SNTG1: variants seen among roughly 807,000 people sequenced by gnomAD.
The protein encoded by SNTG1 is syntrophin gamma 1.
Under a neutral mutation model 74.7 loss-of-function variants are expected in SNTG1, and 39 were observed. That is an observed-to-expected ratio of 0.52 (90% CI 0.40 to 0.68). The LOEUF (loss-of-function observed/expected upper bound fraction) is 0.68, where lower values mean the gene tolerates loss of function less well. Ranked by LOEUF, SNTG1 falls within the 30% of genes least tolerant of loss-of-function variation. SNTG1 has a pLI of 0.00. For synonymous variants in SNTG1, 254 were observed against 217.1 expected (o/e 1.17, Z -1.49); for missense variants, 685 against 609.5 (o/e 1.12, Z -1.30).
At chr8:50,600,032 AT>A (rs2094761210) in intron 13 of SNTG1, among the ~76,000 whole-genome samples, 1 of 152,138 alleles carries the variant, frequency 6.6e-6, no homozygotes, top group Admixed American at 6.5e-5. Context: ...ATTTTATCAA[AT>A]GTTTTTACAG....
At chr8:50,021,277 T>C (rs1377097455) in intron 1 of SNTG1, among the ~76,000 whole-genome samples, 2 of 152,210 alleles carry the variant, frequency 1.3e-5, no homozygotes, top group Non-Finnish European at 2.9e-5. Flanking sequence ...TACATTGTCA[T>C]TGTTTCTCAC....
chr8:50,323,349 C>T (rs779580080), intron 2 of SNTG1, among the ~76,000 whole-genome samples: 2 of 152,078 alleles, frequency 1.3e-5, no homozygotes, highest in African/African-American at 4.8e-5. Context: ...TCCCTGGTGA[C>T]TTATTTACTT....
chr8:50,237,840 A>G (rs1264155441), intron 2 of SNTG1, among the ~76,000 whole-genome samples: 5 of 152,098 alleles, frequency 3.3e-5, no homozygotes, highest in Non-Finnish European at 5.9e-5. Flanking sequence ...AGGGTTATAC[A>G]TTACTTGTCC....
At chr8:50,484,125 TTTCTTTCTTTCC>T (rs1304055582) in intron 8 of SNTG1, among the ~76,000 whole-genome samples, 8 of 115,030 alleles carry the variant, frequency 7.0e-5, no homozygotes, top group African/African-American at 2.3e-4. Flanking sequence ...TCTTTCTTTC[TTTCTTTCTTTCC>T]TTCTTTCTTT....
At chr8:50,508,985 A>C (rs1241696592) in intron 9 of SNTG1, among the ~76,000 whole-genome samples, 1 of 152,164 alleles carries the variant, frequency 6.6e-6, no homozygotes, top group African/African-American at 2.4e-5. Context: ...TTAGACATGA[A>C]GTCCTTGCCC....
intron 1 of SNTG1, among the ~76,000 whole-genome samples, chr8:50,038,264 T>G (rs1225671109): frequency 1.3e-5 from 2 of 152,130 alleles, no homozygotes; most frequent in Non-Finnish European, 2.9e-5. Context: ...AAGGCAAGAA[T>G]CGGGTGGACT....
rs16914541 is a variant in SNTG1, at chr8:50,221,302, A to G, written c.-28+48667A>G. 8.1e-3 allele frequency among the ~76,000 whole-genome samples: 1,230 copies of G among 152,200 alleles called. 19 individuals carry two copies. Among genetic ancestry groups the G allele is most frequent in the African/African-American group, 0.028 (1,182 of 41,510 alleles). On this transcript the variant is annotated intron_variant, in intron 2 of 18. Coordinates refer to ENST00000642720, the MANE Select transcript of SNTG1 (RefSeq NM_018967.5). Reference sequence around the variant, plus strand: ...AAATGCAAGACTTAAAATTAGTTTGAATGTTAAGGAATGTGCAGTAGAGGG... The same window carrying G: ...AAATGCAAGACTTAAAATTAGTTTGGATGTTAAGGAATGTGCAGTAGAGGG...
intron 2 of SNTG1, among the ~76,000 whole-genome samples, chr8:50,316,477 A>T (rs1181916199): frequency 2.0e-5 from 3 of 152,300 alleles, no homozygotes; most frequent in Admixed American, 6.5e-5. Flanking sequence ...ACTGCAAGTT[A>T]TTGAAACATT....
At chr8:50,558,776 T>G (rs1466786625) in intron 12 of SNTG1, among the ~76,000 whole-genome samples, 1 of 152,078 alleles carries the variant, frequency 6.6e-6, no homozygotes, top group Non-Finnish European at 1.5e-5. Context: ...AAATATTTTT[T>G]AAAAGTCCTG....
chr8:49,947,276 G>A (rs1312184849), intron 1 of SNTG1, among the ~76,000 whole-genome samples: 1 of 152,086 alleles, frequency 6.6e-6, no homozygotes, highest in African/African-American at 2.4e-5. Context: ...CTCCAGTCTG[G>A]ATGATAAGAG....
chr8:50,569,810 G>A (rs1416325644), intron 12 of SNTG1, among the ~76,000 whole-genome samples: 1 of 152,038 alleles, frequency 6.6e-6, no homozygotes, highest in African/African-American at 2.4e-5. Flanking sequence ...CTGTCTGCTT[G>A]TCTGCATTGT....
intron 1 of SNTG1, among the ~76,000 whole-genome samples, chr8:50,033,643 C>T (rs529797277): frequency 6.6e-6 from 1 of 152,148 alleles, no homozygotes; most frequent in East Asian, 1.9e-4. Flanking sequence ...TCCCTGTATT[C>T]TCATGTGATT....
intron 1 of SNTG1, among the ~76,000 whole-genome samples, chr8:49,942,909 C>A (rs1268720139): frequency 6.6e-6 from 1 of 152,132 alleles, no homozygotes; most frequent in Non-Finnish European, 1.5e-5. Context: ...ATACTGTGCT[C>A]TTTGGAAAAT....
chr8:50,495,073 A>G (rs1275019044), intron 8 of SNTG1, among the ~76,000 whole-genome samples: 1 of 152,094 alleles, frequency 6.6e-6, no homozygotes, highest in South Asian at 2.1e-4. Flanking sequence ...CTGAAATTTT[A>G]GGAATTGTGA....
intron 1 of SNTG1, among the ~76,000 whole-genome samples, chr8:49,928,066 T>A (rs1401449669): frequency 6.9e-6 from 1 of 145,606 alleles, no homozygotes; most frequent in Non-Finnish European, 1.5e-5. Flanking sequence ...GAGGCGGAGG[T>A]TGTAGTGAGC....
At chr8:50,193,448 A>G (rs2083651654) in intron 2 of SNTG1, among the ~76,000 whole-genome samples, 1 of 151,838 alleles carries the variant, frequency 6.6e-6, no homozygotes, top group Non-Finnish European at 1.5e-5. Context: ...AAAAGGGTTG[A>G]GTTCTTGATT....
chr8:50,221,295 T>G (rs2085051713), intron 2 of SNTG1, among the ~76,000 whole-genome samples: 1 of 152,018 alleles, frequency 6.6e-6, no homozygotes, highest in Admixed American at 6.6e-5. Flanking sequence ...GACTTAAAAT[T>G]AGTTTGAATG....
In SNTG1 at chr8:50,660,338, G is replaced by T. The variant is rs1314343440; in HGVS notation, c.1038+1675G>T. On this transcript the variant is annotated intron_variant, in intron 15 of 18. Coordinates refer to ENST00000642720, the MANE Select transcript of SNTG1 (RefSeq NM_018967.5). Reference sequence around the variant, plus strand: ...CAGTAAGAAGGAAAGAAGAAAGAAAGAAAGAGAAAGAAAGAAAGAAAGAGA... The same window carrying T: ...CAGTAAGAAGGAAAGAAGAAAGAAATAAAGAGAAAGAAAGAAAGAAAGAGA... 8.5e-5 allele frequency among the ~76,000 whole-genome samples: 11 copies of T among 128,692 alleles called. No individual in the cohort carries two copies. In the Admixed American group the frequency reaches 9.0e-4, roughly 11 times the overall value. The allele number at this position is 128,692 out of a possible 152,430, so 84.4% of individuals were successfully genotyped here.
At chr8:50,220,711 G>T (rs2085021330) in intron 2 of SNTG1, among the ~76,000 whole-genome samples, 1 of 152,142 alleles carries the variant, frequency 6.6e-6, no homozygotes, top group African/African-American at 2.4e-5. Context: ...GAGGGTTGTG[G>T]CCCTGAGAAG....
Sources: gnomAD v4.1 joint callset for allele counts (sites outside exome capture counted in the v4.1 genomes callset) on GRCh38, gnomAD v4.1.1 for gene constraint, MANE v1.5 for transcripts, NCBI Gene and HGNC (gene_info 2026-07-23, HGNC 2026-07-21) for gene names.